The following SEPTIN7 variants were observed in gnomAD, a reference collection of about 807,000 sequenced individuals.
The protein encoded by SEPTIN7 is septin-7.
In SEPTIN7, 10 loss-of-function variants were observed where a neutral mutation model predicts 63.3. The observed-to-expected ratio is 0.16, with a 90% CI of 0.10 to 0.27. SEPTIN7 has a LOEUF of 0.27. Ranked by LOEUF, SEPTIN7 falls within the 10% of genes least tolerant of loss-of-function variation. The pLI, the probability that SEPTIN7 is intolerant of heterozygous loss-of-function variation, is 1.00. For missense variants in SEPTIN7, 310 were observed against 521.0 expected, an observed-to-expected ratio of 0.59 and a Z score of 3.94; for synonymous variants, 131 against 165.3, an observed-to-expected ratio of 0.79 and a Z score of 1.59.
At chr7:35,805,951 G>A (rs1211710492) in intron 1 of SEPTIN7, among the ~76,000 whole-genome samples, 1 of 152,168 alleles carries the variant, frequency 6.6e-6, no homozygotes, top group Admixed American at 6.5e-5. Context: ...CTCATTTGAG[G>A]TTTTGTAATT....
intron 8 of SEPTIN7, among the ~76,000 whole-genome samples, chr7:35,883,310 C>G (rs577114248): frequency 4.6e-5 from 7 of 152,154 alleles, no homozygotes; most frequent in African/African-American, 1.7e-4. Context: ...AGGCAAATAT[C>G]TTGGAATAAT....
In SEPTIN7 at chr7:35,802,720, G is replaced by C. The variant is rs144906351; in HGVS notation, c.61+1450G>C. ...TGGAATCCTGATAGACTGAAGGGGGGATATAAACAATGACCAAGTCAGCTA... is the reference window on the plus strand; with the variant it reads ...TGGAATCCTGATAGACTGAAGGGGGCATATAAACAATGACCAAGTCAGCTA... On this transcript the variant is annotated intron_variant, in intron 1 of 13. Transcript: ENST00000350320. Among the ~76,000 whole-genome samples, 998 of 151,872 alleles carry C rather than the reference G, an allele frequency of 6.6e-3. 13 individuals carry two copies. Among genetic ancestry groups the C allele is most frequent in the African/African-American group, 0.023 (958 of 41,402 alleles).
chr7:35,869,241 A>G (rs543287835), intron 4 of SEPTIN7, among the ~76,000 whole-genome samples: 12 of 152,278 alleles, frequency 7.9e-5, no homozygotes, highest in African/African-American at 2.9e-4. Context: ...AGGCCAAGTT[A>G]GAGTTTTGGG....
At position 35,832,806 on chromosome 7, in the gene SEPTIN7, G is replaced by C. The variant is rs1286379276; in HGVS notation, c.75G>C (p.Lys25Asn). 1 of 1,604,402 alleles carries C rather than the reference G, an allele frequency of 6.2e-7. No homozygotes were observed. Among genetic ancestry groups the C allele is most frequent in the East Asian group, 2.2e-5 (1 of 44,726 alleles). Residue 25 changes from lysine (K) to asparagine (N), a missense_variant, in exon 3 of 14, where the codon AAG becomes AAC. Physicochemically the swap from Lys to Asn is moderately conservative, Grantham distance 94. This residue lies in a region of SEPTIN7 where 55 missense variants were observed against 30.5 expected (regional missense o/e 1.80). Coordinates refer to ENST00000350320, the MANE Select transcript of SEPTIN7 (RefSeq NM_001788.6). ...VNSSTMVAQQKNLEGYVGFAN... is the reference protein window; with the variant it reads ...VNSSTMVAQQNNLEGYVGFAN... ...CTTTTTGCTTTTGTCAGCAACAGAA[G>C]AACCTTGAAGGCTATGTGGGATTTG...
At chr7:35,867,596 C>T (rs567971632) in intron 4 of SEPTIN7, among the ~76,000 whole-genome samples, 22 of 150,998 alleles carry the variant, frequency 1.5e-4, no homozygotes, top group Admixed American at 1.3e-3. Flanking sequence ...GTGATCCGCC[C>T]GCCTCGGCCT....
At position 35,904,487 on chromosome 7, in the gene SEPTIN7, T is replaced by G. The variant is rs1788505254; in HGVS notation, c.*194T>G. 4.9e-6 allele frequency: 2 copies of G among 406,048 alleles called. No homozygotes were observed. Among genetic ancestry groups the G allele is most frequent in the Non-Finnish European group, 8.7e-6 (2 of 229,490 alleles). The allele number at this position is 406,048 out of a possible 1,614,324, so 25.2% of individuals were successfully genotyped here. A position where few individuals can be genotyped will look rare whatever the true frequency, so the allele number is the denominator to read the frequency against. On this transcript the variant is annotated 3_prime_UTR_variant, in exon 14 of 14. Coordinates refer to ENST00000350320, the MANE Select transcript of SEPTIN7 (RefSeq NM_001788.6). The stretch of plus-strand genomic sequence containing the variant: ...TTGAATTGTCTAGGGTGTTCTGTAC[T>G]TAGAAAGTAAGAGCTCTAAGTACCT...
rs1274885676 is a variant in SEPTIN7 at position 35,863,626 on chromosome 7, G to C, written c.244G>C (p.Gly82Arg). 1.5e-5 allele frequency: 24 copies of C among 1,580,904 alleles called. No homozygotes were observed. Among genetic ancestry groups the C allele is most frequent in the Non-Finnish European group, 2.1e-5 (24 of 1,167,148 alleles). ...AGATTTGTATTCTCCAGAGTATCCA[G>C]GTCCTTCTCATAGAATTAAAAAGAC... is the stretch of plus-strand genomic sequence containing the variant. ...LTDLYSPEYP[G>R]PSHRIKKTVQ... The change falls in exon 4 of 14, where the codon GGT (glycine) becomes CGT (arginine). Residue 82 changes from glycine to arginine, a missense_variant. Around this residue, in one of 2 missense-constraint regions of SEPTIN7, gnomAD observed 255 missense variants for 490.5 expected, o/e 0.52. Transcript: ENST00000350320.
intron 1 of SEPTIN7, among the ~76,000 whole-genome samples, chr7:35,802,064 G>T (rs1429801501): frequency 6.6e-6 from 1 of 152,190 alleles, no homozygotes; most frequent in Admixed American, 6.5e-5. Context: ...GGAGGAGATA[G>T]AAAGGGTGGG....
chr7:35,915,361 G>A, the SEPTIN7 span, among the ~76,000 whole-genome samples: 10 of 152,070 alleles, frequency 6.6e-5, no homozygotes, highest in African/African-American at 2.4e-4. Flanking sequence ...TAGGGACCAG[G>A]GACATTTTAG....
intron 4 of SEPTIN7, among the ~76,000 whole-genome samples, chr7:35,865,309 A>G (rs992382171): frequency 7.2e-5 from 11 of 152,196 alleles, no homozygotes; most frequent in African/African-American, 1.2e-4. Context: ...GCTCACTGTC[A>G]TTCAGTATTA....
intron 1 of SEPTIN7, among the ~76,000 whole-genome samples, chr7:35,818,041 G>C (rs778216105): frequency 1.3e-5 from 2 of 151,938 alleles, no homozygotes; most frequent in Non-Finnish European, 2.9e-5. Flanking sequence ...TTGATTAGGA[G>C]TAGCAATGAT....
intron 11 of SEPTIN7, 130 bp downstream of exon 11, chr7:35,890,923 T>G (rs1286672349): frequency 1.4e-6 from 1 of 708,164 alleles, no homozygotes; most frequent in Non-Finnish European, 2.0e-6. Flanking sequence ...CACAGCAGCA[T>G]AAATTTATAT....
chr7:35,895,791 C>T (rs1787924377), intron 11 of SEPTIN7, among the ~76,000 whole-genome samples: 1 of 152,036 alleles, frequency 6.6e-6, no homozygotes, highest in Non-Finnish European at 1.5e-5. Flanking sequence ...ATTTTAAATA[C>T]TTAAATTTTG....
In SEPTIN7 at chr7:35,860,966, A is replaced by G. The variant is rs542108461; in HGVS notation, c.170-2586A>G. On this transcript the variant is annotated intron_variant, in intron 3 of 13. Transcript: ENST00000350320. The stretch of plus-strand genomic sequence containing the variant: ...CATCCATTGAGTATATATTGGTCCA[A>G]TTGATTTATTTCATAATCTCTTGGG... Among the ~76,000 whole-genome samples the G allele has an allele frequency of 2.1e-4, 32 of 152,222 alleles. No homozygotes were observed. The South Asian group carries it at 4.4e-3, about 21-fold the overall frequency.
intron 1 of SEPTIN7, among the ~76,000 whole-genome samples, chr7:35,829,265 G>A (rs919446186): frequency 1.5e-4 from 23 of 148,938 alleles, no homozygotes; most frequent in African/African-American, 4.2e-4. Context: ...TCAGCCTCCC[G>A]AATGGCTGGG....
chr7:35,834,149 CTG>C (rs1783967848), intron 3 of SEPTIN7, among the ~76,000 whole-genome samples: 1 of 151,872 alleles, frequency 6.6e-6, no homozygotes, highest in African/African-American at 2.4e-5. Flanking sequence ...TGAAGAAACA[CTG>C]TATCTTACCT....
chr7:35,890,772 A>G lies in SEPTIN7; in HGVS notation c.977A>G (p.Lys326Arg). The G allele has an allele frequency of 2.5e-6, 4 of 1,588,426 alleles. No individual in the cohort carries two copies. The highest frequency in any genetic ancestry group is 3.4e-6 in the Non-Finnish European group (4 of 1,171,162). Reference sequence around the variant, plus strand: ...ACTTATAATGGAGTTGATAACAACAAGAATAAAGGGCAGCTGACTAAGTAA... The same window carrying G: ...ACTTATAATGGAGTTGATAACAACAGGAATAAAGGGCAGCTGACTAAGTAA... ...AVTYNGVDNN[K>R]NKGQLTKSPL... Residue 326 changes from lysine (K) to arginine (R), a missense_variant, in exon 11 of 14, where the codon AAG (lysine) becomes AGG (arginine). Physicochemically the swap from Lys to Arg is conservative, Grantham distance 26. This residue lies in a region of SEPTIN7 where 255 missense variants were observed against 490.5 expected (regional missense o/e 0.52). Coordinates refer to ENST00000350320, the MANE Select transcript of SEPTIN7 (RefSeq NM_001788.6).
At chr7:35,897,184 A>T (rs1179233911) in intron 11 of SEPTIN7, among the ~76,000 whole-genome samples, 3 of 152,190 alleles carry the variant, frequency 2.0e-5, no homozygotes, top group Admixed American at 2.0e-4. Context: ...AAATTTACCC[A>T]TTTAAAATAT....
At chr7:35,833,639 C>T (rs1244628464) in intron 3 of SEPTIN7, among the ~76,000 whole-genome samples, 1 of 151,888 alleles carries the variant, frequency 6.6e-6, no homozygotes, top group Admixed American at 6.6e-5. Context: ...ACCTAAGTTA[C>T]GAATATTGTA....
Sources: gnomAD v4.1 joint callset for allele counts (sites outside exome capture counted in the v4.1 genomes callset) on GRCh38, gnomAD v4.1.1 for gene constraint, gnomAD v4.1.1 regional missense constraint, MANE v1.5 for transcripts, NCBI Gene and HGNC (gene_info 2026-07-23, HGNC 2026-07-21) for gene names.